FANCI: variants seen among roughly 807,000 people sequenced by gnomAD.
FANCI encodes the protein FA complementation group I.
A neutral mutation model predicts 176.1 loss-of-function variants in FANCI; 156 were observed. That is an observed-to-expected ratio of 0.89 (90% CI 0.78 to 1.01). FANCI has a LOEUF of 1.01. Among genes scored for constraint, FANCI ranks in the 50% least tolerant of loss-of-function variants. FANCI has a pLI of 0.00. For missense variants in FANCI, 1,678 were observed against 1,534.1 expected (o/e 1.09, Z -1.57); for synonymous variants, 613 against 541.7 (o/e 1.13, Z -1.83).
chr15:89,276,663 A>C (rs765104438), intron 12 of FANCI, 48 bp from the exon 13 acceptor site: 3 of 1,603,854 alleles, frequency 1.9e-6, no homozygotes, highest in South Asian at 1.1e-5. Context: ...AAAGGTAAGA[A>C]TATCTCACTA....
intron 12 of FANCI, among the ~76,000 whole-genome samples, 157 bp from the exon 13 acceptor site, chr15:89,276,554 G>T (rs1229276562): frequency 6.6e-6 from 1 of 152,170 alleles, no homozygotes; most frequent in East Asian, 1.9e-4. Flanking sequence ...TAGGAATTCA[G>T]AATTCTGTCA....
intron 10 of FANCI, among the ~76,000 whole-genome samples, chr15:89,270,010 C>T (rs2053138010): frequency 6.6e-6 from 1 of 152,134 alleles, no homozygotes; most frequent in South Asian, 2.1e-4. Flanking sequence ...GGGGTTTCGC[C>T]ATATTGGCCA....
chr15:89,295,627 T>C (rs1269121898), intron 24 of FANCI, among the ~76,000 whole-genome samples: 1 of 151,494 alleles, frequency 6.6e-6, no homozygotes, highest in Non-Finnish European at 1.5e-5. Flanking sequence ...GATTGTGCCA[T>C]TGCACTCTAG....
chr15:89,246,130 G>A (rs2051958180), intron 1 of FANCI, among the ~76,000 whole-genome samples: 1 of 152,150 alleles, frequency 6.6e-6, no homozygotes, highest in Non-Finnish European at 1.5e-5. Flanking sequence ...ACAGGAGGAA[G>A]AAGAGGAGGA....
chr15:89,273,101 A>G (rs2053260870), intron 10 of FANCI, among the ~76,000 whole-genome samples: 1 of 151,628 alleles, frequency 6.6e-6, no homozygotes, highest in Admixed American at 6.6e-5. Flanking sequence ...GGAGTTTGAG[A>G]CTCTCCTGGG....
In FANCI at chr15:89,264,466, A is replaced by C. The variant is rs899989759; in HGVS notation, c.670-56A>C. 2.5e-5 allele frequency: 36 copies of C among 1,430,314 alleles called. No homozygotes were observed. In the South Asian group the frequency reaches 2.5e-4, roughly 10 times the overall value. The allele number at this position is 1,430,314 out of a possible 1,614,324, so 88.6% of individuals were successfully genotyped here. ...TTAAGCTGAAAACTACTTTGAATTC[A>C]AATTGGTTATTTTGCTGTTAATTGG... On this transcript the variant is annotated intron_variant, in intron 8 of 37. Coordinates refer to ENST00000310775, the MANE Select transcript of FANCI (RefSeq NM_001113378.2).
At chr15:89,263,550 C>A in intron 7 of FANCI, 90 bp downstream of exon 7, 2 of 1,096,264 alleles carry the variant, frequency 1.8e-6, no homozygotes, top group Non-Finnish European at 2.8e-6. Flanking sequence ...AAACATCACT[C>A]TCTCCTGATT....
At chr15:89,246,805 G>T (rs1398895065) in intron 1 of FANCI, among the ~76,000 whole-genome samples, 2 of 120,428 alleles carry the variant, frequency 1.7e-5, no homozygotes, top group African/African-American at 6.4e-5. Flanking sequence ...TCGCTCTGTC[G>T]CCCAGGCTGG....
At chr15:89,295,541 C>T (rs2054225940) in intron 24 of FANCI, among the ~76,000 whole-genome samples, 1 of 152,084 alleles carries the variant, frequency 6.6e-6, no homozygotes, top group Non-Finnish European at 1.5e-5. Flanking sequence ...TGGCACATGC[C>T]TGTCATACCA....
intron 19 of FANCI, among the ~76,000 whole-genome samples, chr15:89,291,131 TA>T (rs1249866325): frequency 2.6e-5 from 4 of 152,220 alleles, no homozygotes; most frequent in African/African-American, 4.8e-5. Context: ...TAATAACTCA[TA>T]TTTTTTTTGG....
At chr15:89,295,506 A>G (rs963163023) in intron 24 of FANCI, among the ~76,000 whole-genome samples, 1 of 152,106 alleles carries the variant, frequency 6.6e-6, no homozygotes, top group African/African-American at 2.4e-5. Context: ...TCTCTACTAA[A>G]AATACAAAAA....
At chr15:89,247,592 G>A in intron 1 of FANCI, 37 bp from the exon 2 acceptor site, 1 of 1,418,632 alleles carries the variant, frequency 7.0e-7, no homozygotes, top group South Asian at 1.1e-5. Context: ...GTTTATTTCT[G>A]GAATCTTCAC....
At chr15:89,298,088 C>CA (rs911243245) in intron 24 of FANCI, among the ~76,000 whole-genome samples, 35 of 149,380 alleles carry the variant, frequency 2.3e-4, no homozygotes, top group East Asian at 2.2e-3. Flanking sequence ...GAAAACAAAA[C>CA]AAAAAAAAAC....
chr15:89,297,525 G>A lies in FANCI; in HGVS notation c.2637-2275G>A, dbSNP rs1050365757. The stretch of plus-strand genomic sequence containing the variant: ...TGCAATCCCGGCACCTCGGGAGGCC[G>A]AGGCTGGCGGATCACTCGTGGTTAG... On this transcript the variant is annotated intron_variant, in intron 24 of 37. Transcript: ENST00000310775. 7.9e-5 allele frequency among the ~76,000 whole-genome samples: 12 copies of A among 152,258 alleles called. No individual in the cohort carries two copies. In the East Asian group the frequency reaches 2.3e-3, roughly 29 times the overall value.
chr15:89,292,289 A>T (rs531248101), intron 20 of FANCI, among the ~76,000 whole-genome samples: 1 of 152,228 alleles, frequency 6.6e-6, no homozygotes, highest in Non-Finnish European at 1.5e-5. Context: ...GTGACATGAG[A>T]TGTCCTCAGC....
chr15:89,279,433 C>T (rs2053532096), intron 14 of FANCI, among the ~76,000 whole-genome samples: 3 of 152,342 alleles, frequency 2.0e-5, no homozygotes, highest in Admixed American at 2.0e-4. Context: ...GCTGGGATTA[C>T]AGGCGTGAGC....
At chr15:89,260,408 ATAGAT>A (rs1270514899) in intron 3 of FANCI, among the ~76,000 whole-genome samples, 1 of 152,204 alleles carries the variant, frequency 6.6e-6, no homozygotes, top group Non-Finnish European at 1.5e-5. Flanking sequence ...TCTGAAGAAA[ATAGAT>A]TAGTTATTAA....
intron 11 of FANCI, 93 bp downstream of exon 11, chr15:89,273,562 C>A: frequency 1.3e-6 from 1 of 794,896 alleles, no homozygotes; most frequent in Middle Eastern, 3.0e-4. Context: ...TTGTTGTATC[C>A]GTTCCTAAAC....
rs552290199 is a variant in FANCI, at chr15:89,283,833, A to T, written c.1698+583A>T. Among the ~76,000 whole-genome samples the T allele has an allele frequency of 2.0e-5, 3 of 151,510 alleles. No individual in the cohort carries two copies. The South Asian group carries it at 6.3e-4, about 32-fold the overall frequency. On this transcript the variant is annotated intron_variant, in intron 17 of 37. Coordinates refer to ENST00000310775, the MANE Select transcript of FANCI (RefSeq NM_001113378.2). ...AGTGGCGCGATCTCGGCTCACTGCA[A>T]CTCACTGCAAGCTCTGCCTCCCGGG...
Sources: allele counts gnomAD v4.1 joint callset (sites outside exome capture counted in the v4.1 genomes callset), GRCh38; gene constraint gnomAD v4.1.1; transcripts MANE v1.5; gene names NCBI Gene and HGNC (gene_info 2026-07-23, HGNC 2026-07-21).